The following LRIG3 variants were observed in gnomAD, a reference collection of about 807,000 sequenced individuals.
LRIG3 encodes leucine rich repeats and immunoglobulin like domains 3, also known as leucine-rich repeats and immunoglobulin-like domains protein 3.
Under a neutral mutation model 114.5 loss-of-function variants are expected in LRIG3, and 76 were observed. The observed-to-expected ratio is 0.66, with a 90% CI of 0.55 to 0.80. LRIG3 has a LOEUF of 0.80. LRIG3 is among the 30% of genes least tolerant of loss of function. LRIG3 has a pLI of 0.00. For missense variants in LRIG3, 1,239 were observed against 1,382.8 expected (o/e 0.90, Z 1.65); for synonymous variants, 512 against 519.8 (o/e 0.98, Z 0.20).
rs1244991029 is a variant in LRIG3 at position 58,877,806 on chromosome 12, C to T, written c.2130G>A (p.Lys710=). ...TGCACTGTAGGACGGCTGTTTCTCC[C>T]TTGGTTACAGTTCGGTCCAACAGTG... ...LRPLLDRTVT[K]GETAVLQCIA... The change falls in exon 15 of 19, where the codon AAG becomes AAA. Residue 710 remains lysine, a synonymous_variant. Transcript: ENST00000320743. 3.7e-6 allele frequency: 6 copies of T among 1,613,808 alleles called. No individual in the cohort carries two copies. The highest frequency in any genetic ancestry group is 5.1e-6 in the Non-Finnish European group (6 of 1,179,818).
At chr12:58,908,087 T>C (rs1247806780) in intron 3 of LRIG3, among the ~76,000 whole-genome samples, 2 of 152,236 alleles carry the variant, frequency 1.3e-5, no homozygotes, top group African/African-American at 4.8e-5. Context: ...TGGGCATGAC[T>C]GTCCTAATTT....
At chr12:58,889,975 C>A (rs1433223515) in intron 5 of LRIG3, 21 bp downstream of exon 5, 1 of 1,612,242 alleles carries the variant, frequency 6.2e-7, no homozygotes, top group Non-Finnish European at 8.5e-7. Flanking sequence ...GAAACAGTAT[C>A]TAAGAGGACA....
rs576280329 is a variant in LRIG3 at position 58,890,762 on chromosome 12, G to A, written c.418C>T (p.His140Tyr). ...GNRIVEILPEHLKEFQSLETL... is the reference protein window; with the variant it reads ...GNRIVEILPEYLKEFQSLETL... Reference sequence around the variant, plus strand: ...TCAAGGGACTGAAACTCTTTCAGATGTTCAGGGAGTATTTCAACAATCCTG... The same window carrying A: ...TCAAGGGACTGAAACTCTTTCAGATATTCAGGGAGTATTTCAACAATCCTG... Residue 140 changes from histidine to tyrosine, a missense_variant, in exon 4 of 19, where the codon CAT (histidine) becomes TAT (tyrosine). By Grantham distance (83) the His-to-Tyr change is moderately conservative. Coordinates refer to ENST00000320743, the MANE Select transcript of LRIG3 (RefSeq NM_153377.5). 11 of 1,607,254 alleles carry A rather than the reference G, an allele frequency of 6.8e-6. No homozygotes were observed. The African/African-American group carries it at 1.2e-4, about 18-fold the overall frequency.
intron 3 of LRIG3, 176 bp downstream of exon 3, chr12:58,913,806 C>A: frequency 1.8e-6 from 1 of 562,834 alleles, no homozygotes; most frequent in South Asian, 2.6e-5. Flanking sequence ...TGAAATTTAG[C>A]AGTGAGAGAG....
chr12:58,884,315 T>C (rs1261951387), intron 10 of LRIG3, among the ~76,000 whole-genome samples: 3 of 152,236 alleles, frequency 2.0e-5, no homozygotes, highest in Non-Finnish European at 4.4e-5. Context: ...CATTAAAGTA[T>C]TCACCACAAT....
intron 3 of LRIG3, among the ~76,000 whole-genome samples, chr12:58,892,850 A>C (rs1014651257): frequency 6.6e-6 from 1 of 152,246 alleles, no homozygotes; most frequent in Non-Finnish European, 1.5e-5. Context: ...TTCCTAAAGC[A>C]ATCCCTTAAG....
chr12:58,885,805 A>C (rs1238748699), intron 10 of LRIG3, 26 bp downstream of exon 10: 3 of 1,493,326 alleles, frequency 2.0e-6, no homozygotes, highest in Non-Finnish European at 1.8e-6. Context: ...ATTCTCTTTT[A>C]GGGTAACTAA....
chr12:58,917,278 C>T (rs1872512911), intron 1 of LRIG3, among the ~76,000 whole-genome samples: 1 of 152,148 alleles, frequency 6.6e-6, no homozygotes, highest in Admixed American at 6.5e-5. Flanking sequence ...TTCTGAAATG[C>T]CAGTGAGAAT....
chr12:58,876,409 A>G (rs1298277967), intron 16 of LRIG3, 36 bp downstream of exon 16: 3 of 1,604,742 alleles, frequency 1.9e-6, no homozygotes, highest in Non-Finnish European at 2.6e-6. Context: ...TATGACTTCA[A>G]AACAATTACA....
intron 6 of LRIG3, 122 bp downstream of exon 6, chr12:58,888,697 T>C: frequency 7.2e-7 from 1 of 1,397,212 alleles, no homozygotes; most frequent in Non-Finnish European, 9.7e-7. Context: ...GAATACTGAC[T>C]TATAAATAAG....
At chr12:58,892,880 G>C (rs997143776) in intron 3 of LRIG3, among the ~76,000 whole-genome samples, 1 of 152,174 alleles carries the variant, frequency 6.6e-6, no homozygotes, top group Admixed American at 6.5e-5. Flanking sequence ...ACAGAATACA[G>C]AGTATGAAAG....
At chr12:58,890,892 T>C in intron 3 of LRIG3, 96 bp from the exon 4 acceptor site, 2 of 1,201,582 alleles carry the variant, frequency 1.7e-6, no homozygotes, top group South Asian at 3.0e-5. Context: ...TTCAGAAATA[T>C]GGAACTGACT....
At chr12:58,907,155 G>A (rs748429769) in intron 3 of LRIG3, among the ~76,000 whole-genome samples, 8 of 152,210 alleles carry the variant, frequency 5.3e-5, no homozygotes, top group Non-Finnish European at 7.4e-5. Flanking sequence ...CACACTCCAC[G>A]TGTGCTATGT....
intron 1 of LRIG3, 116 bp from the exon 2 acceptor site, chr12:58,914,452 AT>A: frequency 1.3e-6 from 1 of 755,856 alleles, no homozygotes; most frequent in Non-Finnish European, 2.1e-6. Flanking sequence ...TAATTGGTCT[AT>A]TCTGTCCACA....
chr12:58,916,161 C>CT (rs141356590), intron 1 of LRIG3, among the ~76,000 whole-genome samples: 12,695 of 152,118 alleles, frequency 0.083, 630 homozygotes, highest in Admixed American at 0.17. Flanking sequence ...GAGTGCTTAA[C>CT]TTTTTTCAAC....
intron 3 of LRIG3, among the ~76,000 whole-genome samples, chr12:58,893,713 G>A (rs1020743025): frequency 6.6e-6 from 1 of 152,174 alleles, no homozygotes; most frequent in Non-Finnish European, 1.5e-5. Context: ...GGGGACAGAA[G>A]TTTTCTCTTA....
intron 3 of LRIG3, among the ~76,000 whole-genome samples, chr12:58,905,053 G>A (rs1872008624): frequency 6.6e-6 from 1 of 152,112 alleles, no homozygotes; most frequent in Non-Finnish European, 1.5e-5. Context: ...AAGAACACAG[G>A]GCTGGAACAA....
Position 58,882,464 on chromosome 12 carries a change from T to A in LRIG3, c.1480+405A>T, listed in dbSNP as rs183359068. On this transcript the variant is annotated intron_variant, in intron 12 of 18. Transcript: ENST00000320743. ...CAATAGTTAATTTTTTAGCACCCCATAAATCATTAATAATTTTCTCTTTCA... is the reference window on the plus strand; with the variant it reads ...CAATAGTTAATTTTTTAGCACCCCAAAAATCATTAATAATTTTCTCTTTCA... Among the ~76,000 whole-genome samples, 877 of 152,330 alleles carry A rather than the reference T, an allele frequency of 5.8e-3. 11 individuals carry two copies. Among genetic ancestry groups the A allele is most frequent in the African/African-American group, 0.019 (800 of 41,572 alleles).
Position 58,874,488 on chromosome 12 carries a change from G to A in LRIG3, c.2781C>T (p.Gly927=). The part of the protein sequence containing the change: ...LFLCPFLGST[G]PMYLKGNVYG... ...ACACATTTCCCTTCAAATACATAGGGCCTGTGGATCCCAAAAACGGACAAA... is the reference window on the plus strand; with the variant it reads ...ACACATTTCCCTTCAAATACATAGGACCTGTGGATCCCAAAAACGGACAAA... The change falls in exon 17 of 19, where the codon GGC becomes GGT. Residue 927 remains glycine (G), a synonymous_variant. Transcript: ENST00000320743. 1 of 1,614,140 alleles carries A rather than the reference G, an allele frequency of 6.2e-7. No individual in the cohort carries two copies. The highest frequency in any genetic ancestry group is 1.7e-5 in the Admixed American group (1 of 60,012).
Sources: gnomAD v4.1 joint callset for allele counts (sites outside exome capture counted in the v4.1 genomes callset) on GRCh38, gnomAD v4.1.1 for gene constraint, MANE v1.5 for transcripts, NCBI Gene and HGNC (gene_info 2026-07-23, HGNC 2026-07-21) for gene names.